DTL: variants seen among roughly 807,000 people sequenced by gnomAD.
DTL encodes the protein denticleless protein homolog.
Under a neutral mutation model 87.0 loss-of-function variants are expected in DTL, and 46 were observed. The observed-to-expected ratio is 0.53, with a 90% CI of 0.42 to 0.68. The LOEUF (loss-of-function observed/expected upper bound fraction) is 0.68, where lower values mean the gene tolerates loss of function less well. DTL is among the 30% of genes least tolerant of loss of function. DTL has a pLI of 0.00. For missense variants in DTL, 737 were observed against 869.4 expected, an observed-to-expected ratio of 0.85 and a Z score of 1.91; for synonymous variants, 308 against 311.2, an observed-to-expected ratio of 0.99 and a Z score of 0.11.
Position 212,104,260 on chromosome 1 carries a change from A to ATGTCAGTTCTGTGTAGACTT in DTL, c.*1328_*1329insCTGTGTAGACTTTGTCAGTT, listed in dbSNP as rs1306333233. 1.3e-5 allele frequency: 2 copies of ATGTCAGTTCTGTGTAGACTT among 152,174 alleles called. No individual in the cohort carries two copies. The highest frequency in any genetic ancestry group is 1.9e-4 in the East Asian group (1 of 5,194). The allele number at this position is 152,174 out of a possible 1,614,324, so 9.4% of individuals were successfully genotyped here. On this transcript the variant is annotated 3_prime_UTR_variant, in exon 15 of 15. Coordinates refer to ENST00000366991, the MANE Select transcript of DTL (RefSeq NM_016448.4). ...TATCCCTGAGGACTGTGTAGACTTT[A>ATGTCAGTTCTGTGTAGACTT]TGTCAGTTTTTGTCATTATTTGAAA...
chr1:212,072,760 C>CTTTTTTTTTTTTTT (rs368207666), intron 11 of DTL, among the ~76,000 whole-genome samples: 3 of 124,770 alleles, frequency 2.4e-5, no homozygotes, highest in African/African-American at 5.8e-5. Context: ...ATTTACTAAT[C>CTTTTTTTTTTTTTT]TTTTTTTTTT....
rs1005741153 is a variant in DTL, at chr1:212,080,632, T to C, written c.1143T>C (p.Asp381=). Residue 381 remains aspartate, a synonymous_variant, in exon 13 of 15, where the codon GAT becomes GAC. Transcript: ENST00000366991. The part of the protein sequence containing the change: ...SDFTKIATCS[D]DNTLKIWRLN... ...CCTCTTAGATTGCTACCTGTTCTGATGACAATACACTAAAAATCTGGCGCT... is the reference window on the plus strand; with the variant it reads ...CCTCTTAGATTGCTACCTGTTCTGACGACAATACACTAAAAATCTGGCGCT... 1 of 1,613,440 alleles carries C rather than the reference T, an allele frequency of 6.2e-7. No homozygotes were observed. The highest frequency in any genetic ancestry group is 1.1e-5 in the South Asian group (1 of 91,056).
At position 212,080,846 on chromosome 1, in the gene DTL, G is replaced by A. The variant is rs527251485; in HGVS notation, c.1261+96G>A. The A allele has an allele frequency of 2.1e-3, 2,836 of 1,352,192 alleles. 11 individuals are homozygous for A. The highest frequency in any genetic ancestry group is 7.3e-3 in the South Asian group (520 of 71,312). 83.8% of individuals were successfully genotyped at this position (1,352,192 alleles called of 1,614,324 possible). A position where few individuals can be genotyped will look rare whatever the true frequency, so the allele number is the denominator to read the frequency against. ...GCTAGATTTGATCTTGCTTTGGTAT[G>A]TTTTTAAAGAAAAGCACTATCTTCT... On this transcript the variant is annotated intron_variant, in intron 13 of 14. Transcript: ENST00000366991.
At chr1:212,045,816 G>A (rs1358685292) in intron 3 of DTL, among the ~76,000 whole-genome samples, 1 of 152,218 alleles carries the variant, frequency 6.6e-6, no homozygotes. Context: ...AGTGAGAGAT[G>A]AGGCTTGCAA....
chr1:212,045,593 C>T (rs1281760682), intron 3 of DTL, among the ~76,000 whole-genome samples: 1 of 152,148 alleles, frequency 6.6e-6, no homozygotes, highest in Non-Finnish European at 1.5e-5. Flanking sequence ...AAAGAAAACA[C>T]ACTGGTGTCA....
chr1:212,085,461 A>G (rs1007612321), intron 13 of DTL, among the ~76,000 whole-genome samples: 1 of 152,176 alleles, frequency 6.6e-6, no homozygotes, highest in Admixed American at 6.5e-5. Context: ...TGAAATGTCT[A>G]TGCAGATCTT....
intron 11 of DTL, among the ~76,000 whole-genome samples, chr1:212,074,465 G>T (rs1388851860): frequency 6.6e-6 from 1 of 152,084 alleles, no homozygotes; most frequent in Non-Finnish European, 1.5e-5. Flanking sequence ...ACATACAAGG[G>T]TTACCCTTTT....
intron 14 of DTL, 44 bp from the exon 15 acceptor site, chr1:212,102,798 T>C (rs1440476696): frequency 7.2e-7 from 1 of 1,394,282 alleles, no homozygotes; most frequent in African/African-American, 1.4e-5. Context: ...TAGTAACAGT[T>C]GAACTTCAAG....
In DTL at chr1:212,078,245, C is replaced by T; in HGVS notation, c.1108C>T (p.Pro370Ser). 2 of 1,606,608 alleles carry T rather than the reference C, an allele frequency of 1.2e-6. No individual in the cohort carries two copies. The highest frequency in any genetic ancestry group is 2.2e-5 in the East Asian group (1 of 44,790). Residue 370 changes from proline (P) to serine (S), a missense_variant, in exon 12 of 15, where the codon CCA becomes TCA. Transcript: ENST00000366991. ...SQEVTSVCWC[P>S]SDFTKIATCS... ...AGAGGTCACGTCTGTGTGCTGGTGT[C>T]CATCTGACTTCACAAAGGTTTGTAA... is the stretch of plus-strand genomic sequence containing the variant.
intron 5 of DTL, among the ~76,000 whole-genome samples, chr1:212,054,975 A>G (rs1162071113): frequency 3.9e-5 from 6 of 152,210 alleles, no homozygotes; most frequent in African/African-American, 1.4e-4. Context: ...ACACTTAAAA[A>G]GTGCTGAATT....
chr1:212,073,148 A>G (rs1654727171), intron 11 of DTL, among the ~76,000 whole-genome samples: 1 of 152,214 alleles, frequency 6.6e-6, no homozygotes, highest in Non-Finnish European at 1.5e-5. Flanking sequence ...GTCCATTTGA[A>G]GTCCAGTGGA....
chr1:212,091,963 T>C (rs1224414277), intron 13 of DTL, among the ~76,000 whole-genome samples: 1 of 152,246 alleles, frequency 6.6e-6, no homozygotes, highest in Non-Finnish European at 1.5e-5. Context: ...TAGTGATCTC[T>C]CCTTTTTTAA....
At chr1:212,048,299 C>G (rs1285957138) in intron 5 of DTL, among the ~76,000 whole-genome samples, 1 of 152,130 alleles carries the variant, frequency 6.6e-6, no homozygotes, top group East Asian at 1.9e-4. Flanking sequence ...AAGCAATCCT[C>G]TCCCTCAGCG....
rs369829543 is a variant in DTL at position 212,051,912 on chromosome 1, C to G, written c.460+4495C>G. The stretch of plus-strand genomic sequence containing the variant: ...TACAATATCACCTTTCTTATAGATT[C>G]GCATATATGTGGCCAAAGGAACAAC... On this transcript the variant is annotated intron_variant, in intron 5 of 14. Transcript: ENST00000366991. 458 of 956,118 alleles carry G rather than the reference C, an allele frequency of 4.8e-4. 1 individual carries two copies. In the East Asian group the frequency reaches 9.8e-3, roughly 21 times the overall value. 59.2% of individuals were successfully genotyped at this position (956,118 alleles called of 1,614,324 possible).
chr1:212,063,261 T>G (rs12739571), intron 6 of DTL, among the ~76,000 whole-genome samples: 5 of 151,736 alleles, frequency 3.3e-5, no homozygotes, highest in Admixed American at 6.6e-5. Context: ...GTCTTTATTT[T>G]GGTTTTTAAG....
Position 212,104,723 on chromosome 1 carries a change from T to A in DTL, c.*1783T>A, listed in dbSNP as rs1655726631. 2.6e-5 allele frequency: 4 copies of A among 152,196 alleles called. No individual in the cohort carries two copies. In the South Asian group the frequency reaches 6.2e-4, roughly 24 times the overall value. The allele number at this position is 152,196 out of a possible 1,614,324, so 9.4% of individuals were successfully genotyped here. A position where few individuals can be genotyped will look rare whatever the true frequency, so the allele number is the denominator to read the frequency against. On this transcript the variant is annotated 3_prime_UTR_variant, in exon 15 of 15. Coordinates refer to ENST00000366991, the MANE Select transcript of DTL (RefSeq NM_016448.4). ...TACCGAGTCTACTGGGTATAACATG[T>A]CTCACTTGGAAAGCTAGTACTTTTA...
chr1:212,040,953 C>T (rs994641437), intron 1 of DTL, among the ~76,000 whole-genome samples: 7 of 152,182 alleles, frequency 4.6e-5, no homozygotes, highest in South Asian at 2.1e-4. Flanking sequence ...CCACAAAAAG[C>T]GAAACCACGG....
chr1:212,099,416 T>G (rs1655545688), intron 13 of DTL: 1 of 152,328 alleles, frequency 6.6e-6, no homozygotes, highest in South Asian at 2.1e-4. Flanking sequence ...GTATTTTTAG[T>G]AGAGACAGGG....
intron 13 of DTL, among the ~76,000 whole-genome samples, chr1:212,092,268 C>T (rs940055330): frequency 6.6e-6 from 1 of 152,208 alleles, no homozygotes; most frequent in Admixed American, 6.5e-5. Flanking sequence ...GGCGCAGTGG[C>T]TCATGCCTGT....
Sources: gnomAD v4.1 joint callset for allele counts (sites outside exome capture counted in the v4.1 genomes callset) on GRCh38, gnomAD v4.1.1 for gene constraint, MANE v1.5 for transcripts, NCBI Gene and HGNC (gene_info 2026-07-23, HGNC 2026-07-21) for gene names.